PDE4B: variants seen among roughly 807,000 people sequenced by gnomAD.
PDE4B encodes 3',5'-cyclic-AMP phosphodiesterase 4B.
In PDE4B, 20 loss-of-function variants were observed where a neutral mutation model predicts 82.2. The ratio of observed to expected loss-of-function variants is 0.24; its 90% confidence interval spans 0.17 to 0.35. The LOEUF (loss-of-function observed/expected upper bound fraction) is 0.35, where lower values mean the gene tolerates loss of function less well. PDE4B is among the 10% of genes least tolerant of loss of function. The pLI is 1.00. For missense variants in PDE4B, 655 were observed against 907.2 expected (o/e 0.72, Z 3.57); for synonymous variants, 320 against 318.9 (o/e 1.00, Z -0.04).
chr1:66,079,236 A>G (rs1365003080), intron 3 of PDE4B, among the ~76,000 whole-genome samples: 2 of 143,510 alleles, frequency 1.4e-5, no homozygotes, highest in Non-Finnish European at 3.0e-5. Flanking sequence ...ATTTCATTTA[A>G]TGCTTTTTTA....
At chr1:65,956,735 C>T (rs894125905) in intron 3 of PDE4B, among the ~76,000 whole-genome samples, 3 of 152,176 alleles carry the variant, frequency 2.0e-5, no homozygotes, top group Non-Finnish European at 2.9e-5. Context: ...TGTCTCTTTT[C>T]GTAGAAAGTC....
chr1:66,243,042 C>G (rs1244606469), intron 3 of PDE4B, among the ~76,000 whole-genome samples: 1 of 152,182 alleles, frequency 6.6e-6, no homozygotes, highest in Admixed American at 6.5e-5. Context: ...TCTCCTCCTG[C>G]GAGTTTGTGT....
chr1:66,207,672 A>G (rs568651783), intron 3 of PDE4B, among the ~76,000 whole-genome samples: 4 of 152,326 alleles, frequency 2.6e-5, no homozygotes, highest in South Asian at 2.1e-4. Context: ...AAACTATTCT[A>G]GGATGTAGTC....
At chr1:66,198,049 A>G (rs1251409280) in intron 3 of PDE4B, among the ~76,000 whole-genome samples, 5 of 152,138 alleles carry the variant, frequency 3.3e-5, no homozygotes, top group Admixed American at 3.3e-4. Flanking sequence ...ACAAGTAAGT[A>G]CTCAGTTGCA....
chr1:66,077,868 A>G (rs995914528), intron 3 of PDE4B, among the ~76,000 whole-genome samples: 3 of 152,188 alleles, frequency 2.0e-5, no homozygotes, highest in East Asian at 3.9e-4. Flanking sequence ...GATGGTGACA[A>G]TGATGTAATA....
rs755026529 is a variant in PDE4B, at chr1:65,993,053, T to C, written c.281+74218T>C. 3 of 1,613,866 alleles carry C rather than the reference T, an allele frequency of 1.9e-6. No homozygotes were observed. In the East Asian group the frequency reaches 6.7e-5, roughly 36 times the overall value. On this transcript the variant is annotated intron_variant, in intron 3 of 16. Transcript: ENST00000341517. ...CATCTCCTAAAATTTCTCCACGCAG[T>C]TCACCAAGGAACTCACCATGCTTTT...
intron 3 of PDE4B, among the ~76,000 whole-genome samples, chr1:66,124,673 G>C (rs1214445626): frequency 6.6e-6 from 1 of 152,126 alleles, no homozygotes; most frequent in Admixed American, 6.5e-5. Flanking sequence ...CTCACTGAAG[G>C]TAGGTACAGC....
At chr1:66,116,724 C>G (rs373954368) in intron 3 of PDE4B, among the ~76,000 whole-genome samples, 1 of 152,030 alleles carries the variant, frequency 6.6e-6, no homozygotes, top group Admixed American at 6.6e-5. Context: ...CCACCACACC[C>G]GGCTGATCTT....
intron 8 of PDE4B, among the ~76,000 whole-genome samples, chr1:66,342,740 A>G (rs1026756764): frequency 6.7e-6 from 1 of 148,976 alleles, no homozygotes; most frequent in Non-Finnish European, 1.5e-5. Flanking sequence ...CAAAAAAAAA[A>G]AAACAAAACA....
At chr1:66,053,980 A>G (rs80255322) in intron 3 of PDE4B, among the ~76,000 whole-genome samples, 3,454 of 152,274 alleles carry the variant, frequency 0.023, 63 homozygotes, top group Non-Finnish European at 0.034. Context: ...TGCTCACACC[A>G]TAACAGTCTC....
intron 3 of PDE4B, among the ~76,000 whole-genome samples, chr1:66,191,673 T>G (rs1235918923): frequency 6.6e-6 from 1 of 152,098 alleles, no homozygotes; most frequent in Non-Finnish European, 1.5e-5. Flanking sequence ...TAATTGTCTT[T>G]AAGGAGTATT....
chr1:66,015,650 T>A (rs1652732603), intron 3 of PDE4B, among the ~76,000 whole-genome samples: 1 of 152,082 alleles, frequency 6.6e-6, no homozygotes, highest in Non-Finnish European at 1.5e-5. Context: ...ACTTGGCATG[T>A]TCAAGAAATA....
Position 65,918,795 on chromosome 1 carries a change from A to G in PDE4B, c.241A>G (p.Thr81Ala). 6.2e-7 allele frequency: 1 copy of G among 1,613,760 alleles called. No individual in the cohort carries two copies. The highest frequency in any genetic ancestry group is 8.5e-7 in the Non-Finnish European group (1 of 1,179,618). ...CAGGCCGACCACACTGCCTTTGACA[A>G]CGCTTCCAAGCATTGCTATTACAAC... ...ISRPTTLPLT[T>A]LPSIAITTVS... The change falls in exon 3 of 17, where the codon ACG becomes GCG. Residue 81 changes from threonine (T) to alanine (A), a missense_variant. Physicochemically the swap from Thr to Ala is moderately conservative, Grantham distance 58. Around this residue, in one of 3 missense-constraint regions of PDE4B, gnomAD observed 253 missense variants for 275.6 expected, o/e 0.92. Transcript: ENST00000341517.
chr1:65,977,457 G>T (rs546905094), intron 3 of PDE4B, among the ~76,000 whole-genome samples: 3 of 152,212 alleles, frequency 2.0e-5, no homozygotes, highest in Admixed American at 2.0e-4. Flanking sequence ...TTTCAATGAA[G>T]TTTTCCCAAT....
intron 1 of PDE4B, among the ~76,000 whole-genome samples, chr1:65,839,977 G>A (rs1646188299): frequency 6.6e-6 from 1 of 152,120 alleles, no homozygotes; most frequent in Non-Finnish European, 1.5e-5. Context: ...ACTGGCATGA[G>A]ATGGTATCTC....
intron 3 of PDE4B, among the ~76,000 whole-genome samples, chr1:65,947,776 C>T (rs1227623829): frequency 6.6e-6 from 1 of 151,794 alleles, no homozygotes; most frequent in African/African-American, 2.4e-5. Flanking sequence ...AGGAAGAATC[C>T]TCCTTCTAAG....
chr1:66,025,470 AT>A, intron 3 of PDE4B, among the ~76,000 whole-genome samples: 1 of 152,122 alleles, frequency 6.6e-6, no homozygotes, highest in East Asian at 1.9e-4. Context: ...AAAAATAAAT[AT>A]TTTCCAGTAA....
At chr1:66,185,174 C>T (rs536773408) in intron 3 of PDE4B, among the ~76,000 whole-genome samples, 18 of 152,292 alleles carry the variant, frequency 1.2e-4, no homozygotes, top group African/African-American at 3.4e-4. Flanking sequence ...ATGAACTCAT[C>T]GTTTTTTATG....
intron 1 of PDE4B, among the ~76,000 whole-genome samples, chr1:65,847,770 T>C (rs140767974): frequency 1.3e-5 from 2 of 152,330 alleles, no homozygotes; most frequent in East Asian, 3.9e-4. Flanking sequence ...TTTAGTATAC[T>C]ATCATCATTT....
Sources: gnomAD v4.1 joint callset for allele counts (sites outside exome capture counted in the v4.1 genomes callset) on GRCh38, gnomAD v4.1.1 for gene constraint, gnomAD v4.1.1 regional missense constraint, MANE v1.5 for transcripts, NCBI Gene and HGNC (gene_info 2026-07-23, HGNC 2026-07-21) for gene names.